STAG2: variants seen among roughly 807,000 people sequenced by gnomAD.
The protein encoded by STAG2 is STAG2 cohesin complex component.
Under a neutral mutation model 108.1 loss-of-function variants are expected in STAG2, and 14 were observed. The ratio of observed to expected loss-of-function variants is 0.13; its 90% confidence interval spans 0.09 to 0.20. The LOEUF is 0.20. Among genes scored for constraint, STAG2 ranks in the 10% least tolerant of loss-of-function variants. STAG2 has a pLI of 1.00. For synonymous variants in STAG2, 307 were observed against 302.7 expected (o/e 1.01, Z -0.15); for missense variants, 440 against 940.9 (o/e 0.47, Z 6.96).
intron 25 of STAG2, among the ~76,000 whole-genome samples, chrX:124,074,303 A>G (rs1027242329): frequency 8.9e-6 from 1 of 112,726 alleles, no homozygotes; most frequent in African/African-American, 3.2e-5. Context: ...TGAATATTAT[A>G]TGATACAAGT....
At chrX:124,097,610 G>A (rs992047797) in intron 34 of STAG2, 9 of 262,152 alleles carry the variant, frequency 3.4e-5, no homozygotes, top group Non-Finnish European at 7.1e-5. Context: ...AAGTATGGAA[G>A]GTAGTAGCTG....
intron 1 of STAG2, among the ~76,000 whole-genome samples, chrX:123,999,153 A>G (rs1236585902): frequency 2.7e-5 from 3 of 111,687 alleles, no homozygotes. Flanking sequence ...ACATTTTTCT[A>G]TACACATATA....
chrX:124,065,495 ATATATGTTTAAGGTACT>A (rs2058498975), intron 20 of STAG2, among the ~76,000 whole-genome samples: 1 of 111,227 alleles, frequency 9.0e-6, no homozygotes, highest in East Asian at 2.8e-4. Context: ...CTTCATGATG[ATATATGTTTAAGGTACT>A]TAGATTTTGT....
intron 1 of STAG2, among the ~76,000 whole-genome samples, chrX:123,972,945 A>AGGCAGAG (rs1263538193): frequency 5.9e-5 from 6 of 101,640 alleles, no homozygotes; most frequent in Non-Finnish European, 1.2e-4. Context: ...GCTACTCAGG[A>AGGCAGAG]GGCAGAGGTG....
intron 25 of STAG2, among the ~76,000 whole-genome samples, chrX:124,076,016 A>G (rs1456944433): frequency 9.0e-6 from 1 of 111,150 alleles, no homozygotes; most frequent in African/African-American, 3.3e-5. Context: ...TAACTAACAG[A>G]CTTTGAGTGT....
At position 123,970,574 on chromosome X, in the gene STAG2, G is replaced by T. The variant is rs761808453; in HGVS notation, c.-163+8718G>T. Among the ~76,000 whole-genome samples the T allele has an allele frequency of 2.7e-5, 3 of 111,994 alleles. No individual in the cohort carries two copies. The Admixed American group carries it at 2.9e-4, about 11-fold the overall frequency. On this transcript the variant is annotated intron_variant, in intron 1 of 34. Transcript: ENST00000371145. ...TCTATTAAAATTCGTGATACAATGT[G>T]AATGCTGTTGATACTGCTATTGCTG...
chrX:124,091,294 G>A lies in STAG2; in HGVS notation c.3578+330G>A, dbSNP rs758796258. On this transcript the variant is annotated intron_variant, in intron 32 of 34. Coordinates refer to ENST00000371145, the MANE Select transcript of STAG2 (RefSeq NM_001042750.2). ...TAGTTCAGGCCCTCATCTCTCACCT[G>A]AACTATTGTATTAGCTTTCTAACTG... Among the ~76,000 whole-genome samples the A allele has an allele frequency of 1.1e-3, 119 of 111,076 alleles. 1 individual carries two copies. Among genetic ancestry groups the A allele is most frequent in the African/African-American group, 3.8e-3 (115 of 30,607 alleles).
At chrX:124,071,355 G>A (rs2148374443) in intron 25 of STAG2, 32 bp downstream of exon 25, 1 of 1,077,947 alleles carries the variant, frequency 9.3e-7, no homozygotes, top group East Asian at 3.2e-5. Flanking sequence ...TATTAAATCT[G>A]TGTCCACCAT....
intron 11 of STAG2, 111 bp downstream of exon 11, chrX:124,050,420 C>G: frequency 1.2e-6 from 1 of 836,697 alleles, no homozygotes; most frequent in South Asian, 4.2e-5. Context: ...TTTCTGGAAG[C>G]CTCCCCTTTA....
At chrX:124,070,860 G>C (rs1231126555) in intron 24 of STAG2, among the ~76,000 whole-genome samples, 1 of 111,525 alleles carries the variant, frequency 9.0e-6, no homozygotes, top group African/African-American at 3.3e-5. Context: ...TATTTTTGTA[G>C]TGTGTAACAT....
chrX:123,967,423 A>G (rs1322113017), intron 1 of STAG2, among the ~76,000 whole-genome samples: 2 of 108,088 alleles, frequency 1.9e-5, no homozygotes, highest in African/African-American at 3.4e-5. Context: ...GTGCCACCAC[A>G]CCGGGCTAAT....
At chrX:124,053,306 T>C (rs1385546417) in intron 13 of STAG2, among the ~76,000 whole-genome samples, 2 of 112,073 alleles carry the variant, frequency 1.8e-5, no homozygotes, top group Non-Finnish European at 3.8e-5. Flanking sequence ...CCACCAGATA[T>C]ATGCAAAGAA....
intron 5 of STAG2, among the ~76,000 whole-genome samples, chrX:124,033,352 C>A (rs904931271): frequency 8.9e-6 from 1 of 111,751 alleles, no homozygotes; most frequent in Non-Finnish European, 1.9e-5. Flanking sequence ...TACTTTCCTT[C>A]TTTTTTTTGT....
intron 1 of STAG2, among the ~76,000 whole-genome samples, chrX:124,018,322 C>G (rs2056799962): frequency 8.9e-6 from 1 of 112,251 alleles, no homozygotes; most frequent in African/African-American, 3.2e-5. Context: ...GATTTTTAAA[C>G]TGATACTTTT....
intron 4 of STAG2, among the ~76,000 whole-genome samples, chrX:124,028,824 T>TATATATATA (rs1569507053): frequency 6.1e-5 from 4 of 65,695 alleles, no homozygotes; most frequent in East Asian, 4.3e-4. Flanking sequence ...ATATATATAT[T>TATATATATA]TTTTTTTTTA....
Position 123,976,707 on chromosome X carries a change from A to C in STAG2, c.-163+14851A>C, listed in dbSNP as rs949481736. ...ATGACAAGTTGTACTAGGCTCCCTA[A>C]CATTTAATTTTTTGTTTCTCACAAC... On this transcript the variant is annotated intron_variant, in intron 1 of 34. Coordinates refer to ENST00000371145, the MANE Select transcript of STAG2 (RefSeq NM_001042750.2). Among the ~76,000 whole-genome samples, 12 of 111,935 alleles carry C rather than the reference A, an allele frequency of 1.1e-4. 1 individual carries two copies. The highest frequency in any genetic ancestry group is 2.9e-4 in the African/African-American group (9 of 30,812).
intron 9 of STAG2, among the ~76,000 whole-genome samples, chrX:124,048,045 C>T (rs1285391535): frequency 1.8e-5 from 2 of 111,877 alleles, no homozygotes; most frequent in East Asian, 5.6e-4. Flanking sequence ...ATTCTTTCTT[C>T]ATTGGTGATA....
At chrX:124,040,088 T>A (rs1464717474) in intron 6 of STAG2, among the ~76,000 whole-genome samples, 1 of 112,306 alleles carries the variant, frequency 8.9e-6, no homozygotes, top group Admixed American at 9.5e-5. Context: ...TAATTACTTA[T>A]ACACACAAAA....
In STAG2 at chrX:123,963,615, A is replaced by ATT. The variant is rs11393200; in HGVS notation, c.-163+1769_-163+1770dup. On this transcript the variant is annotated intron_variant, in intron 1 of 34. Transcript: ENST00000371145. ...TATGACACATTATGTTAAATAGTCG[A>ATT]TTTTTTTTTTTCATTTTGAACTAAG... Among the ~76,000 whole-genome samples the ATT allele has an allele frequency of 3.2e-4, 33 of 103,723 alleles. No individual in the cohort carries two copies. The South Asian group carries it at 5.1e-3, about 16-fold the overall frequency. 90.1% of individuals were successfully genotyped at this position (103,723 alleles called of 115,157 possible). A position where few individuals can be genotyped will look rare whatever the true frequency, so the allele number is the denominator to read the frequency against.
Sources: gnomAD v4.1 joint callset for allele counts (sites outside exome capture counted in the v4.1 genomes callset) on GRCh38, gnomAD v4.1.1 for gene constraint, MANE v1.5 for transcripts, NCBI Gene and HGNC (gene_info 2026-07-23, HGNC 2026-07-21) for gene names.